Variants in IBTK observed in about 807,000 individuals in gnomAD.
IBTK encodes the protein BTK-binding protein.
IBTK carries 83 observed loss-of-function variants against 154.9 expected under a neutral mutation model. That is an observed-to-expected ratio of 0.54 (90% CI 0.45 to 0.64). IBTK has a LOEUF of 0.64. Ranked by LOEUF, IBTK falls within the 30% of genes least tolerant of loss-of-function variation. The pLI, the probability that IBTK is intolerant of heterozygous loss-of-function variation, is 0.00. For missense variants in IBTK, 1,332 were observed against 1,584.6 expected, an observed-to-expected ratio of 0.84 and a Z score of 2.71; for synonymous variants, 515 against 536.1, an observed-to-expected ratio of 0.96 and a Z score of 0.54.
intron 17 of IBTK, 98 bp from the exon 18 acceptor site, chr6:82,202,743 T>A: frequency 1.5e-6 from 1 of 658,546 alleles, no homozygotes; most frequent in South Asian, 2.6e-5. Context: ...TTTGAACATT[T>A]GGAATAAAGA....
intron 23 of IBTK, among the ~76,000 whole-genome samples, 146 bp downstream of exon 23, chr6:82,194,322 ATAGCTGGTTAG>A (rs1315528306): frequency 6.6e-6 from 1 of 152,232 alleles, no homozygotes; most frequent in Non-Finnish European, 1.5e-5. Flanking sequence ...GAAGCCTATT[ATAGCTGGTTAG>A]CAATTTGTAG....
chr6:82,198,649 G>C (rs75679457), intron 21 of IBTK, among the ~76,000 whole-genome samples: 8 of 151,972 alleles, frequency 5.3e-5, no homozygotes, highest in Non-Finnish European at 1.2e-4. Context: ...TTTCAAAGTT[G>C]TTTGTATACA....
chr6:82,188,168 C>A (rs1768624620), intron 25 of IBTK, among the ~76,000 whole-genome samples: 1 of 152,056 alleles, frequency 6.6e-6, no homozygotes, highest in Non-Finnish European at 1.5e-5. Flanking sequence ...TCTATTTGTA[C>A]AACATAGGCA....
At chr6:82,235,035 A>G (rs1770663951) in intron 2 of IBTK, among the ~76,000 whole-genome samples, 1 of 151,532 alleles carries the variant, frequency 6.6e-6, no homozygotes, top group African/African-American at 2.4e-5. Context: ...TAATTTTTGT[A>G]TTTTTAGTAG....
Position 82,172,529 on chromosome 6 carries a change from A to G in IBTK, c.3798-17T>C. ...AGCCAGGGACTGAAAGAATAATAAT[A>G]ATGAGTTTCATTCATCTTCCTAAAT... is the stretch of plus-strand genomic sequence containing the variant. On this transcript the variant is annotated splice_polypyrimidine_tract_variant and intron_variant, in intron 27 of 28. Transcript: ENST00000306270. 6.3e-7 allele frequency: 1 copy of G among 1,590,712 alleles called. No individual in the cohort carries two copies. The highest frequency in any genetic ancestry group is 8.5e-7 in the Non-Finnish European group (1 of 1,173,144).
chr6:82,230,595 TC>T (rs1770468801), intron 4 of IBTK, among the ~76,000 whole-genome samples: 3 of 152,166 alleles, frequency 2.0e-5, no homozygotes, highest in African/African-American at 7.2e-5. Context: ...CTCTGAGGTA[TC>T]ATCTTCAGGA....
intron 9 of IBTK, among the ~76,000 whole-genome samples, chr6:82,220,254 T>C (rs1190421111): frequency 6.6e-6 from 1 of 152,186 alleles, no homozygotes; most frequent in Non-Finnish European, 1.5e-5. Flanking sequence ...ATATCTTATA[T>C]TTACGCAATT....
Position 82,182,000 on chromosome 6 carries a change from T to C in IBTK, c.3604A>G (p.Lys1202Glu), listed in dbSNP as rs894877369. The change falls in exon 26 of 29, where the codon AAG (lysine) becomes GAG (glutamate). Residue 1202 changes from lysine to glutamate, a missense_variant. Physicochemically the swap from Lys to Glu is moderately conservative, Grantham distance 56. Around this residue, in one of 3 missense-constraint regions of IBTK, gnomAD observed 1,134 missense variants for 1,274.7 expected, o/e 0.89. Coordinates refer to ENST00000306270, the MANE Select transcript of IBTK (RefSeq NM_015525.4). ...TCTAGTAAGAAATCCCGGAATGACT[T>C]GGATGAAACTGAATGCAGAGAAGAT... is the stretch of plus-strand genomic sequence containing the variant. ...WASSLHSVSS[K>E]SFRDFLLEEK... The C allele has an allele frequency of 1.0e-5, 16 of 1,604,558 alleles. No individual in the cohort carries two copies. Among genetic ancestry groups the C allele is most frequent in the Non-Finnish European group, 1.4e-5 (16 of 1,178,288 alleles).
At chr6:82,220,766 GC>G in intron 8 of IBTK, 53 bp from the exon 9 acceptor site, 1 of 1,355,550 alleles carries the variant, frequency 7.4e-7, no homozygotes, top group Non-Finnish European at 9.8e-7. Context: ...AACTACACAT[GC>G]CTAAACTTCA....
chr6:82,206,321 A>G (rs955601974), intron 16 of IBTK, among the ~76,000 whole-genome samples: 2 of 152,144 alleles, frequency 1.3e-5, no homozygotes, highest in African/African-American at 4.8e-5. Flanking sequence ...ATCCCACTAG[A>G]ATGCTTATCT....
At chr6:82,228,736 C>T (rs1488053523) in intron 4 of IBTK, among the ~76,000 whole-genome samples, 1 of 151,990 alleles carries the variant, frequency 6.6e-6, no homozygotes, top group Non-Finnish European at 1.5e-5. Flanking sequence ...ATTCTCCTGC[C>T]TCAGCCTCCC....
chr6:82,214,088 T>A (rs1418567480), intron 12 of IBTK, 139 bp downstream of exon 12: 2 of 718,112 alleles, frequency 2.8e-6, no homozygotes, highest in African/African-American at 3.6e-5. Context: ...CCTGAGTAGC[T>A]GGGACTACAG....
At position 82,244,825 on chromosome 6, in the gene IBTK, C is replaced by G. The variant is rs79442190; in HGVS notation, c.-358+2737G>C. Among the ~76,000 whole-genome samples the G allele has an allele frequency of 7.6e-3, 1,149 of 152,050 alleles. 22 individuals carry two copies. Among genetic ancestry groups the G allele is most frequent in the African/African-American group, 0.026 (1,096 of 41,494 alleles). ...AGTCAAGTAAACCACCTAAATCATA[C>G]CACCAAGAAAAGAGGGAGTCAGACT... On this transcript the variant is annotated intron_variant, in intron 1 of 28. Coordinates refer to ENST00000306270, the MANE Select transcript of IBTK (RefSeq NM_015525.4).
chr6:82,173,512 G>C, intron 26 of IBTK, 74 bp from the exon 27 acceptor site: 1 of 1,274,000 alleles, frequency 7.8e-7, no homozygotes, highest in Non-Finnish European at 1.1e-6. Context: ...AATAGATACA[G>C]AGGAAGAATT....
Position 82,200,695 on chromosome 6 carries a change from T to A in IBTK, c.2804A>T (p.Asp935Val), listed in dbSNP as rs372116331. Residue 935 changes from aspartate to valine, a missense_variant, in exon 20 of 29, where the codon GAT becomes GTT. By Grantham distance (152) the Asp-to-Val change is radical (BLOSUM62 -3). Coordinates refer to ENST00000306270, the MANE Select transcript of IBTK (RefSeq NM_015525.4). ...EFYRKMIPAM[D>V]RRVITPYQDG... is the part of the protein sequence containing the mutation. The stretch of plus-strand genomic sequence containing the variant: ...TTGATATGGTGTAATGACTCTTCTA[T>A]CCATTGCTGGAATCTGCAGAATTGA... 4.2e-5 allele frequency: 66 copies of A among 1,569,330 alleles called. No homozygotes were observed. Among genetic ancestry groups the A allele is most frequent in the Non-Finnish European group, 5.7e-5 (66 of 1,164,286 alleles).
rs370015460 is a variant in IBTK at position 82,215,351 on chromosome 6, T to C, written c.1602-522A>G. Among the ~76,000 whole-genome samples the C allele has an allele frequency of 2.0e-4, 31 of 152,320 alleles. No individual in the cohort carries two copies. The East Asian group carries it at 5.0e-3, about 25-fold the overall frequency. On this transcript the variant is annotated intron_variant, in intron 11 of 28. Transcript: ENST00000306270. ...GCTTATGTGACTTAGGAGATTTGCA[T>C]TGCGATTTACAGATGGCGCCACAAC...
At chr6:82,193,373 A>C (rs1055235954) in intron 23 of IBTK, among the ~76,000 whole-genome samples, 1 of 152,152 alleles carries the variant, frequency 6.6e-6, no homozygotes, top group African/African-American at 2.4e-5. Context: ...TAGCAATCAG[A>C]AGATGTTTCC....
intron 6 of IBTK, among the ~76,000 whole-genome samples, chr6:82,225,274 C>T (rs1386535702): frequency 6.6e-6 from 1 of 152,022 alleles, no homozygotes; most frequent in African/African-American, 2.4e-5. Flanking sequence ...CGCACCACTG[C>T]ACTCCAGCCT....
At position 82,185,944 on chromosome 6, in the gene IBTK, CATTTTTCTA is replaced by C. The variant is rs1488580720; in HGVS notation, c.3576-3925_3576-3917del. Among the ~76,000 whole-genome samples, 3 of 152,152 alleles carry C rather than the reference CATTTTTCTA, an allele frequency of 2.0e-5. No individual in the cohort carries two copies. In the East Asian group the frequency reaches 5.8e-4, roughly 29 times the overall value. On this transcript the variant is annotated intron_variant, in intron 25 of 28. Transcript: ENST00000306270. ...CTTGCATGGAGCAAGTATATCGTGC[CATTTTTCTA>C]ACAATACATGCTCACTTTGTGTCTC... is the stretch of plus-strand genomic sequence containing the variant.
Sources: gnomAD v4.1 joint callset for allele counts (sites outside exome capture counted in the v4.1 genomes callset) on GRCh38, gnomAD v4.1.1 for gene constraint, gnomAD v4.1.1 regional missense constraint, MANE v1.5 for transcripts, NCBI Gene and HGNC (gene_info 2026-07-23, HGNC 2026-07-21) for gene names.